Variants in CASP10 observed in about 807,000 individuals in gnomAD.
CASP10 encodes the protein caspase 10, also known as caspase-10.
CASP10 carries 41 observed loss-of-function variants against 48.5 expected under a neutral mutation model. The observed-to-expected ratio is 0.85, with a 90% CI of 0.66 to 1.10. The LOEUF (loss-of-function observed/expected upper bound fraction) is 1.10, where lower values mean the gene tolerates loss of function less well. Ranked by LOEUF, CASP10 falls within the 50% of genes least tolerant of loss-of-function variation. The probability of loss-of-function intolerance (pLI) is 0.00; values close to 1 mark genes in which losing one functional copy is unlikely to be tolerated. For missense variants in CASP10, 614 were observed against 614.5 expected (o/e 1.00, Z 0.01); for synonymous variants, 232 against 238.4 (o/e 0.97, Z 0.25).
Position 201,185,798 on chromosome 2 carries a change from T to G in CASP10, c.21T>G (p.His7Gln). The G allele has an allele frequency of 1.2e-6, 2 of 1,613,352 alleles. No individual in the cohort carries two copies. Among genetic ancestry groups the G allele is most frequent in the South Asian group, 2.2e-5 (2 of 91,056 alleles). The stretch of plus-strand genomic sequence containing the variant: ...TGGCCATGAAATCTCAAGGTCAACA[T>G]TGGTATTCCAGTTCAGATAAAAACT... MKSQGQHWYSSSDKNCK... is the reference protein window; with the variant it reads MKSQGQQWYSSSDKNCK... The change falls in exon 2 of 10, where the codon CAT becomes CAG. Residue 7 changes from histidine (H) to glutamine (Q), a missense_variant. Physicochemically the swap from His to Gln is conservative, Grantham distance 24. Transcript: ENST00000286186.
Position 201,192,394 on chromosome 2 carries a change from AAATAAT to A in CASP10, c.442-564_442-559del, listed in dbSNP as rs35491925. Among the ~76,000 whole-genome samples the A allele has an allele frequency of 1.4e-3, 215 of 148,982 alleles. 4 individuals carry two copies. The highest frequency in any genetic ancestry group is 4.2e-3 in the African/African-American group (171 of 40,804). On this transcript the variant is annotated intron_variant, in intron 3 of 9. Transcript: ENST00000286186. ...AGACAGAGTGAGAGACTCCATCTCA[AAATAAT>A]AATAATAATAATAATAATAATAATA...
rs763203313 is a variant in CASP10 at position 201,217,586 on chromosome 2, A to G, written c.1416-2A>G. On this transcript the variant is annotated splice_acceptor_variant, in intron 9 of 9. Transcript: ENST00000286186. LOFTEE classifies it high-confidence loss of function. ...AAAATTTTGTTTTCTTCTTTGTTGC[A>G]GACATGAAGACATCTTATCCATCCT... 3 of 1,611,730 alleles carry G rather than the reference A, an allele frequency of 1.9e-6. No homozygotes were observed. The highest frequency in any genetic ancestry group is 2.5e-6 in the Non-Finnish European group (3 of 1,177,794).
At chr2:201,206,571 T>TTA (rs1005525290) in intron 7 of CASP10, among the ~76,000 whole-genome samples, 54 of 147,592 alleles carry the variant, frequency 3.7e-4, no homozygotes, top group Admixed American at 1.4e-3. Flanking sequence ...TAAGTATACT[T>TTA]TATATATATA....
In CASP10 at chr2:201,218,977, A is replaced by G; in HGVS notation, c.*1236A>G. 1.0e-6 allele frequency: 1 copy of G among 985,452 alleles called. No homozygotes were observed. The highest frequency in any genetic ancestry group is 1.7e-5 in the African/African-American group (1 of 57,366). 61.0% of individuals were successfully genotyped at this position (985,452 alleles called of 1,614,324 possible). A position where few individuals can be genotyped will look rare whatever the true frequency, so the allele number is the denominator to read the frequency against. On this transcript the variant is annotated 3_prime_UTR_variant, in exon 10 of 10. Transcript: ENST00000286186. ...CAGAAACTTTACAACCTGATGTCATATTCCATTTTGGACTGGGTGCGGTGA... is the reference window on the plus strand; with the variant it reads ...CAGAAACTTTACAACCTGATGTCATGTTCCATTTTGGACTGGGTGCGGTGA...
intron 9 of CASP10, among the ~76,000 whole-genome samples, chr2:201,228,111 A>C (rs1053922614): frequency 6.6e-6 from 1 of 152,146 alleles, no homozygotes; most frequent in Non-Finnish European, 1.5e-5. Context: ...CAAGGCAGGC[A>C]TATCACTTGA....
intron 5 of CASP10, 159 bp downstream of exon 5, chr2:201,196,107 T>C: frequency 3.3e-6 from 2 of 604,034 alleles, no homozygotes; most frequent in Non-Finnish European, 5.9e-6. Flanking sequence ...CAACATGATA[T>C]CAACCAGAGT....
Position 201,193,122 on chromosome 2 carries a change from A to G in CASP10, c.577+3A>G, listed in dbSNP as rs780947440. On this transcript the variant is annotated splice_donor_region_variant and intron_variant, in intron 4 of 9. Transcript: ENST00000286186. Reference sequence around the variant, plus strand: ...AGAGAAATACAAAAGAGAGAAAGGTAAGTAGCTTGTGATTGCTAACTTGGA... The same window carrying G: ...AGAGAAATACAAAAGAGAGAAAGGTGAGTAGCTTGTGATTGCTAACTTGGA... 4.4e-5 allele frequency: 71 copies of G among 1,613,104 alleles called. No individual in the cohort carries two copies. Among genetic ancestry groups the G allele is most frequent in the Non-Finnish European group, 5.7e-5 (67 of 1,179,410 alleles).
chr2:201,185,776 C>T lies in CASP10; in HGVS notation c.-2C>T. 1 of 1,607,472 alleles carries T rather than the reference C, an allele frequency of 6.2e-7. No individual in the cohort carries two copies. The highest frequency in any genetic ancestry group is 1.3e-5 in the African/African-American group (1 of 74,884). ...CACCTCTCTGTCCCTTTCAGGCTGG[C>T]CATGAAATCTCAAGGTCAACATTGG... On this transcript the variant is annotated 5_prime_UTR_variant, in exon 2 of 10. Coordinates refer to ENST00000286186, the MANE Select transcript of CASP10 (RefSeq NM_032977.4).
chr2:201,205,717 C>G (rs1032398463), intron 6 of CASP10, among the ~76,000 whole-genome samples, 165 bp from the exon 7 acceptor site: 2 of 152,188 alleles, frequency 1.3e-5, no homozygotes, highest in Non-Finnish European at 2.9e-5. Context: ...AAAAAGAATG[C>G]GAAGACACAT....
rs996632293 is a variant in CASP10 at position 201,218,450 on chromosome 2, G to A, written c.*709G>A. On this transcript the variant is annotated 3_prime_UTR_variant, in exon 10 of 10. Coordinates refer to ENST00000286186, the MANE Select transcript of CASP10 (RefSeq NM_032977.4). The stretch of plus-strand genomic sequence containing the variant: ...CCCAAGTAGCTGAGACTACAGGTGT[G>A]TGTCCATGCACAGCTAACTTTTTAT... 7.5e-6 allele frequency: 5 copies of A among 662,792 alleles called. No homozygotes were observed. In the African/African-American group the frequency reaches 9.9e-5, roughly 13 times the overall value. The allele number at this position is 662,792 out of a possible 1,614,324, so 41.1% of individuals were successfully genotyped here.
At chr2:201,204,743 C>T (rs1437815393) in intron 6 of CASP10, among the ~76,000 whole-genome samples, 2 of 152,232 alleles carry the variant, frequency 1.3e-5, no homozygotes, top group Admixed American at 1.3e-4. Flanking sequence ...GCTCAGGTGA[C>T]TGCTTCACCC....
chr2:201,195,284 G>A (rs1944751623), intron 4 of CASP10, among the ~76,000 whole-genome samples: 1 of 151,858 alleles, frequency 6.6e-6, no homozygotes, highest in South Asian at 2.1e-4. Context: ...TAGAGATGGG[G>A]TTTCACCACT....
At position 201,187,877 on chromosome 2, in the gene CASP10, AG is replaced by A; in HGVS notation, c.441+81del. The A allele has an allele frequency of 2.8e-6, 3 of 1,079,396 alleles. No homozygotes were observed. The Admixed American group carries it at 5.3e-5, about 19-fold the overall frequency. The allele number at this position is 1,079,396 out of a possible 1,614,324, so 66.9% of individuals were successfully genotyped here. A position where few individuals can be genotyped will look rare whatever the true frequency, so the allele number is the denominator to read the frequency against. ...TAGAAAGATGCTGGAAAGGGTTTTTAGGGAGATTTATTTTTTATGGGAGACA... is the reference window on the plus strand; with the variant it reads ...TAGAAAGATGCTGGAAAGGGTTTTTAGGAGATTTATTTTTTATGGGAGACA... On this transcript the variant is annotated intron_variant, in intron 3 of 9. Transcript: ENST00000286186.
intron 5 of CASP10, among the ~76,000 whole-genome samples, chr2:201,197,653 A>AT (rs1944850927): frequency 6.6e-6 from 1 of 152,204 alleles, no homozygotes; most frequent in African/African-American, 2.4e-5. Context: ...TTAAGTTTCT[A>AT]TAGCATACAG....
intron 9 of CASP10, among the ~76,000 whole-genome samples, chr2:201,212,100 C>G (rs2126052689): frequency 6.6e-6 from 1 of 152,234 alleles, no homozygotes; most frequent in South Asian, 2.1e-4. Flanking sequence ...AGGCATGTGC[C>G]ACCACGCCTG....
rs1334918555 is a variant in CASP10 at position 201,206,542 on chromosome 2, TA to T, written c.813+570del. On this transcript the variant is annotated intron_variant, in intron 7 of 9. Coordinates refer to ENST00000286186, the MANE Select transcript of CASP10 (RefSeq NM_032977.4). ...TTATATATATATGAATATATATGTG[TA>T]TATATATACTTTATTTATAAGTATA... 2.0e-5 allele frequency among the ~76,000 whole-genome samples: 3 copies of T among 148,170 alleles called. No individual in the cohort carries two copies. The East Asian group carries it at 5.8e-4, about 29-fold the overall frequency.
chr2:201,200,651 C>G (rs1944986085), intron 5 of CASP10: 1 of 1,421,284 alleles, frequency 7.0e-7, no homozygotes, highest in Non-Finnish European at 9.2e-7. Context: ...TTGAGGGAAT[C>G]TCAGCTTTGG....
At chr2:201,196,031 A>AAG in intron 5 of CASP10, 83 bp downstream of exon 5, 1 of 910,624 alleles carries the variant, frequency 1.1e-6, no homozygotes, top group Non-Finnish European at 1.8e-6. Flanking sequence ...AAAAAAGAAA[A>AAG]AGAGAGAGAG....
intron 6 of CASP10, among the ~76,000 whole-genome samples, chr2:201,205,431 A>C (rs1428888142): frequency 1.3e-5 from 2 of 151,378 alleles, no homozygotes; most frequent in Non-Finnish European, 2.9e-5. Flanking sequence ...GGGTCTCACT[A>C]AGTTGTCCAG....
Sources: gnomAD v4.1 joint callset for allele counts (sites outside exome capture counted in the v4.1 genomes callset) on GRCh38, gnomAD v4.1.1 for gene constraint, MANE v1.5 for transcripts, NCBI Gene and HGNC (gene_info 2026-07-23, HGNC 2026-07-21) for gene names.